Variants in RIMS1 observed in about 807,000 individuals in gnomAD.
RIMS1 encodes regulating synaptic membrane exocytosis protein 1.
A neutral mutation model predicts 214.1 loss-of-function variants in RIMS1; 83 were observed. The ratio of observed to expected loss-of-function variants is 0.39; its 90% CI spans 0.32 to 0.47. The LOEUF is 0.47. Among genes scored for constraint, RIMS1 ranks in the 20% least tolerant of loss-of-function variants. The pLI, the probability that RIMS1 is intolerant of heterozygous loss-of-function variation, is 0.99. For synonymous variants in RIMS1, 793 were observed against 786.8 expected, an observed-to-expected ratio of 1.01 and a Z score of -0.13; for missense variants, 2,050 against 2,161.8, an observed-to-expected ratio of 0.95 and a Z score of 1.03.
At chr6:72,128,585 T>C (rs893670151) in intron 4 of RIMS1, among the ~76,000 whole-genome samples, 1 of 152,204 alleles carries the variant, frequency 6.6e-6, no homozygotes, top group Non-Finnish European at 1.5e-5. Flanking sequence ...TCTTCAAGAA[T>C]GGGGAATCTT....
At chr6:71,895,532 G>T (rs180769070) in intron 1 of RIMS1, among the ~76,000 whole-genome samples, 1 of 151,806 alleles carries the variant, frequency 6.6e-6, no homozygotes, top group Non-Finnish European at 1.5e-5. Flanking sequence ...AAAATTAGCC[G>T]GCGTGGTGAT....
Position 71,920,757 on chromosome 6 carries a change from AC to A in RIMS1, c.164+33571del, listed in dbSNP as rs142697497. On this transcript the variant is annotated intron_variant, in intron 1 of 33. Transcript: ENST00000521978. ...GCCAGCATTAAATGAGCCTATTTAC[AC>A]AACAAAATGAACTGCAGTTCTGCTT... Among the ~76,000 whole-genome samples the A allele has an allele frequency of 2.6e-3, 391 of 152,338 alleles. 2 individuals carry two copies. Among genetic ancestry groups the A allele is most frequent in the African/African-American group, 8.6e-3 (359 of 41,576 alleles).
intron 4 of RIMS1, among the ~76,000 whole-genome samples, chr6:72,164,940 C>G (rs1211239155): frequency 1.3e-5 from 2 of 152,116 alleles, no homozygotes; most frequent in African/African-American, 4.8e-5. Flanking sequence ...GGCCCCAACT[C>G]CAAATATATT....
intron 29 of RIMS1, among the ~76,000 whole-genome samples, chr6:72,379,296 A>T (rs1339086599): frequency 6.6e-6 from 1 of 152,244 alleles, no homozygotes; most frequent in African/African-American, 2.4e-5. Context: ...CGCCAGCTTC[A>T]TCAAATTCTC....
intron 4 of RIMS1, among the ~76,000 whole-genome samples, chr6:72,178,458 T>C (rs1287912104): frequency 1.3e-5 from 2 of 152,248 alleles, no homozygotes; most frequent in African/African-American, 4.8e-5. Flanking sequence ...TTTCTACGAT[T>C]TATTCATCCT....
chr6:72,392,370 T>C (rs1035242527), intron 30 of RIMS1, among the ~76,000 whole-genome samples: 22 of 152,224 alleles, frequency 1.4e-4, no homozygotes, highest in African/African-American at 5.3e-4. Context: ...AGTATCTGTG[T>C]GAAGTTTATG....
intron 28 of RIMS1, among the ~76,000 whole-genome samples, chr6:72,318,557 T>A (rs2095956028): frequency 6.6e-6 from 1 of 152,100 alleles, no homozygotes; most frequent in African/African-American, 2.4e-5. Context: ...TTGCATGTTA[T>A]TTTTTTAAAT....
At chr6:72,126,719 A>G (rs758571337) in intron 4 of RIMS1, 1 of 254,534 alleles carries the variant, frequency 3.9e-6, no homozygotes, top group South Asian at 4.4e-5. Context: ...AATTAAAACA[A>G]CAATGATATA....
intron 2 of RIMS1, among the ~76,000 whole-genome samples, chr6:72,080,686 C>T (rs1205230591): frequency 6.6e-6 from 1 of 152,196 alleles, no homozygotes; most frequent in South Asian, 2.1e-4. Flanking sequence ...GGGGCCCAGC[C>T]ACTTTGCCTC....
rs1338283204 is a variant in RIMS1 at position 72,252,792 on chromosome 6, A to G, written c.2730A>G (p.Ser910=). ...AGCGAATCAGTGATAGTGACATCTC[A>G]GATTATGAGGTTGATGATGGTATTG... The part of the protein sequence containing the change: ...RSQRISDSDI[S]DYEVDDGIGV... The change falls in exon 16 of 34, where the codon TCA becomes TCG. Residue 910 remains serine (S), a synonymous_variant. Coordinates refer to ENST00000521978, the MANE Select transcript of RIMS1 (RefSeq NM_014989.7). 4 of 1,559,290 alleles carry G rather than the reference A, an allele frequency of 2.6e-6. No homozygotes were observed.
intron 4 of RIMS1, among the ~76,000 whole-genome samples, chr6:72,146,101 G>A (rs1328888388): frequency 6.6e-6 from 1 of 152,166 alleles, no homozygotes; most frequent in Non-Finnish European, 1.5e-5. Context: ...TCCTTTATTA[G>A]TTTAGTTCAT....
In RIMS1 at chr6:71,886,967, G is replaced by A; in HGVS notation, c.-57G>A. On this transcript the variant is annotated 5_prime_UTR_variant, in exon 1 of 34. The change creates a new upstream start codon in the 5' untranslated region. Transcript: ENST00000521978. ...GGAAGCAGGGGCGCAGCTGCTGGGC[G>A]TGCATCCGAAAGGTGAGAGCCAGAG... 6.4e-7 allele frequency: 1 copy of A among 1,574,772 alleles called. No homozygotes were observed. Among genetic ancestry groups the A allele is most frequent in the African/African-American group, 1.3e-5 (1 of 74,144 alleles).
chr6:72,247,380 A>G (rs2070546020), intron 11 of RIMS1, among the ~76,000 whole-genome samples: 1 of 152,100 alleles, frequency 6.6e-6, no homozygotes. Context: ...TACTAAAAAT[A>G]CAAAATTAGC....
At chr6:72,027,455 C>T (rs1314944418) in intron 2 of RIMS1, among the ~76,000 whole-genome samples, 3 of 151,950 alleles carry the variant, frequency 2.0e-5, no homozygotes, top group Non-Finnish European at 4.4e-5. Flanking sequence ...TTGGGAATGC[C>T]CTCAGAGAAT....
chr6:72,308,790 C>G (rs1466413443), intron 27 of RIMS1, among the ~76,000 whole-genome samples: 1 of 152,068 alleles, frequency 6.6e-6, no homozygotes, highest in East Asian at 1.9e-4. Flanking sequence ...AACCTGATGT[C>G]CCGTAGTATT....
intron 29 of RIMS1, among the ~76,000 whole-genome samples, chr6:72,367,284 C>T (rs2098066593): frequency 6.6e-6 from 1 of 152,108 alleles, no homozygotes; most frequent in South Asian, 2.1e-4. Flanking sequence ...TAAAATTTGT[C>T]AGCTATACTG....
At chr6:72,229,361 T>C (rs1220682182) in intron 6 of RIMS1, among the ~76,000 whole-genome samples, 2 of 151,928 alleles carry the variant, frequency 1.3e-5, no homozygotes, top group East Asian at 3.8e-4. Context: ...AGATAATTTA[T>C]GTAAATTTTG....
chr6:72,062,544 A>G (rs1828130076), intron 2 of RIMS1, among the ~76,000 whole-genome samples: 1 of 152,230 alleles, frequency 6.6e-6, no homozygotes, highest in Admixed American at 6.5e-5. Flanking sequence ...CTCTGAGATA[A>G]TAGTTCGAGT....
At chr6:72,327,809 T>C (rs1196525056) in intron 28 of RIMS1, among the ~76,000 whole-genome samples, 2 of 151,870 alleles carry the variant, frequency 1.3e-5, no homozygotes, top group Non-Finnish European at 2.9e-5. Flanking sequence ...TTGATTCTAC[T>C]GAGTTAGCAA....
Sources: gnomAD v4.1 joint callset for allele counts (sites outside exome capture counted in the v4.1 genomes callset) on GRCh38, gnomAD v4.1.1 for gene constraint, MANE v1.5 for transcripts, NCBI Gene and HGNC (gene_info 2026-07-23, HGNC 2026-07-21) for gene names.